The following TSPAN1 variants were observed in gnomAD, a reference collection of about 807,000 sequenced individuals.
TSPAN1 encodes the protein tetraspanin-1.
TSPAN1 carries 23 observed loss-of-function variants against 26.9 expected under a neutral mutation model. The ratio of observed to expected loss-of-function variants is 0.85; its 90% CI spans 0.62 to 1.21. The LOEUF (loss-of-function observed/expected upper bound fraction) is 1.21, where lower values mean the gene tolerates loss of function less well. Ranked by LOEUF, TSPAN1 falls within the 50% of genes most tolerant of loss-of-function variation. TSPAN1 has a pLI of 0.00. For missense variants in TSPAN1, 283 were observed against 298.4 expected, an observed-to-expected ratio of 0.95 and a Z score of 0.38; for synonymous variants, 115 against 114.8, an observed-to-expected ratio of 1.00 and a Z score of -0.01.
At chr1:46,194,409 A>C in the TSPAN1 span, 5 of 1,614,146 alleles carry the variant, frequency 3.1e-6, no homozygotes, top group Non-Finnish European at 4.2e-6. Flanking sequence ...CCTCTGAGGG[A>C]AGGATGCGGT....
the TSPAN1 span, chr1:46,191,704 G>T: frequency 3.0e-6 from 1 of 330,084 alleles, no homozygotes; most frequent in Non-Finnish European, 5.9e-6. Flanking sequence ...GCGTGATCTT[G>T]GCTCACAGCA....
intron 3 of TSPAN1, chr1:46,183,710 C>G: frequency 5.5e-6 from 1 of 181,026 alleles, no homozygotes; most frequent in South Asian, 1.2e-4. Context: ...AACCTCCTCC[C>G]TCTCCAAGGT....
chr1:46,181,104 C>T lies in TSPAN1; in HGVS notation c.-4C>T, dbSNP rs769069655. On this transcript the variant is annotated 5_prime_UTR_variant, in exon 3 of 9. Transcript: ENST00000372003. ...TTGCACATGTCTACCTCCCAGGAGC[C>T]ACCATGCAGTGCTTCAGCTTCATTA... is the stretch of plus-strand genomic sequence containing the variant. 2 of 1,613,850 alleles carry T rather than the reference C, an allele frequency of 1.2e-6. No individual in the cohort carries two copies. The highest frequency in any genetic ancestry group is 1.7e-6 in the Non-Finnish European group (2 of 1,179,864).
rs779263538 is a variant in TSPAN1 at position 46,183,006 on chromosome 1, G to A, written c.58-1185G>A. 7.2e-5 allele frequency among the ~76,000 whole-genome samples: 11 copies of A among 152,098 alleles called. No individual in the cohort carries two copies. In the East Asian group the frequency reaches 7.7e-4, roughly 11 times the overall value. ...TAAAAAAAATTTTTTTTGTAGAGGCGGTCTCACTATATTGCCCAGGCTGGT... is the reference window on the plus strand; with the variant it reads ...TAAAAAAAATTTTTTTTGTAGAGGCAGTCTCACTATATTGCCCAGGCTGGT... On this transcript the variant is annotated intron_variant, in intron 3 of 8. Transcript: ENST00000372003.
Position 46,176,157 on chromosome 1 carries a change from G to C in TSPAN1, c.-142+748G>C, listed in dbSNP as rs980145545. 21 of 1,513,692 alleles carry C rather than the reference G, an allele frequency of 1.4e-5. 1 individual carries two copies. The South Asian group carries it at 2.3e-4, about 17-fold the overall frequency. 93.8% of individuals were successfully genotyped at this position (1,513,692 alleles called of 1,614,324 possible). A position where few individuals can be genotyped will look rare whatever the true frequency, so the allele number is the denominator to read the frequency against. The stretch of plus-strand genomic sequence containing the variant: ...CCCAAAGTGCCGGGATTACAGGCAT[G>C]AGCCACCGCACCCAGCCTAGTGGCT... On this transcript the variant is annotated intron_variant, in intron 1 of 8. Transcript: ENST00000372003.
the TSPAN1 span, chr1:46,193,139 C>G: frequency 1.8e-5 from 29 of 1,613,872 alleles, no homozygotes; most frequent in Middle Eastern, 1.7e-4. Context: ...TGTTTCCCCC[C>G]TCCCAGGCCC....
At chr1:46,188,994 G>T (rs1390431410), downstream of TSPAN1, 1 of 1,602,794 alleles carries the variant, frequency 6.2e-7, no homozygotes, top group Non-Finnish European at 8.5e-7. Context: ...GAAAGTGAGG[G>T]TATTCAAAGG....
At chr1:46,182,989 AT>A (rs952031106) in intron 3 of TSPAN1, among the ~76,000 whole-genome samples, 10 of 151,740 alleles carry the variant, frequency 6.6e-5, no homozygotes, top group Non-Finnish European at 7.4e-5. Context: ...ATTAAAAAAA[AT>A]TTTTTTTGTA....
At chr1:46,182,517 C>G (rs1571637761) in intron 3 of TSPAN1, among the ~76,000 whole-genome samples, 1 of 151,812 alleles carries the variant, frequency 6.6e-6, no homozygotes, top group Non-Finnish European at 1.5e-5. Context: ...CGAGACCAGC[C>G]TGGCCAATAT....
In TSPAN1 at chr1:46,185,795, G is replaced by A; in HGVS notation, c.*262G>A. The A allele has an allele frequency of 1.8e-6, 1 of 569,994 alleles. No individual in the cohort carries two copies. The highest frequency in any genetic ancestry group is 2.0e-5 in the South Asian group (1 of 49,280). The allele number at this position is 569,994 out of a possible 1,614,324, so 35.3% of individuals were successfully genotyped here. A position where few individuals can be genotyped will look rare whatever the true frequency, so the allele number is the denominator to read the frequency against. ...GCCAGTTCTGTTGCCCATTCCCCCAGTCTATTAAACCCTTGATATGCCCCC... is the reference window on the plus strand; with the variant it reads ...GCCAGTTCTGTTGCCCATTCCCCCAATCTATTAAACCCTTGATATGCCCCC... On this transcript the variant is annotated 3_prime_UTR_variant, in exon 9 of 9. Coordinates refer to ENST00000372003, the MANE Select transcript of TSPAN1 (RefSeq NM_005727.4).
In TSPAN1 at chr1:46,180,670, G is replaced by C. The variant is rs1037411626; in HGVS notation, c.-9+12G>C. 1 of 168,468 alleles carries C rather than the reference G, an allele frequency of 5.9e-6. No homozygotes were observed. Among genetic ancestry groups the C allele is most frequent in the African/African-American group, 2.4e-5 (1 of 41,994 alleles). The allele number at this position is 168,468 out of a possible 1,614,324, so 10.4% of individuals were successfully genotyped here. ...AGAGCCCTGAACAGGTAATGGGATA[G>C]GGATACAGATTATCCTGTGAAGTGA... On this transcript the variant is annotated intron_variant, in intron 2 of 8. Transcript: ENST00000372003.
chr1:46,193,713 C>T, the TSPAN1 span: 1 of 1,607,514 alleles, frequency 6.2e-7, no homozygotes, highest in Non-Finnish European at 8.5e-7. Context: ...TACAGCTGGG[C>T]CCAGAGTCCC....
intron 1 of TSPAN1, among the ~76,000 whole-genome samples, chr1:46,177,578 A>G (rs1032767653): frequency 6.6e-6 from 1 of 152,130 alleles, no homozygotes; most frequent in Admixed American, 6.6e-5. Context: ...CCAGCAAAAA[A>G]CACCAAAAAA....
intron 1 of TSPAN1, among the ~76,000 whole-genome samples, chr1:46,180,060 C>A (rs183208085): frequency 3.1e-4 from 47 of 152,116 alleles, no homozygotes; most frequent in Non-Finnish European, 2.9e-4. Flanking sequence ...TTGTTAGTTG[C>A]TGGGAGTCAG....
intron 1 of TSPAN1, among the ~76,000 whole-genome samples, chr1:46,176,039 ATTT>A (rs796881774): frequency 3.3e-5 from 5 of 151,532 alleles, no homozygotes; most frequent in East Asian, 1.9e-4. Context: ...CGCCCGGCTA[ATTT>A]TTTTTTGTAT....
chr1:46,188,417 G>A (rs1488011170), downstream of TSPAN1, among the ~76,000 whole-genome samples: 2 of 152,164 alleles, frequency 1.3e-5, no homozygotes, highest in Admixed American at 6.5e-5. Flanking sequence ...GCAGGAACCC[G>A]GCTGGTGGTT....
At position 46,185,050 on chromosome 1, in the gene TSPAN1, GACA is replaced by G. The variant is rs758013782; in HGVS notation, c.532_534del (p.Asn178del). ...TGCCTTTCCCCCATTCTGTTGCAAT[GACA>G]ACGTCACCAACACAGCCAATGAAAC... On this transcript the variant is annotated inframe_deletion, in exon 7 of 9. Coordinates refer to ENST00000372003, the MANE Select transcript of TSPAN1 (RefSeq NM_005727.4). The G allele has an allele frequency of 6.8e-6, 11 of 1,614,056 alleles. No individual in the cohort carries two copies. The highest frequency in any genetic ancestry group is 3.3e-5 in the South Asian group (3 of 91,080).
downstream of TSPAN1, chr1:46,189,457 C>A (rs386834024): frequency 1.1e-4 from 174 of 1,613,366 alleles, no homozygotes; most frequent in Non-Finnish European, 1.3e-4. Context: ...GGGTCACTCA[C>A]GAGTAGGGGG....
In TSPAN1 at chr1:46,185,133, T is replaced by G; in HGVS notation, c.594+18T>G. The G allele has an allele frequency of 6.2e-7, 1 of 1,613,586 alleles. No homozygotes were observed. The highest frequency in any genetic ancestry group is 8.5e-7 in the Non-Finnish European group (1 of 1,179,898). On this transcript the variant is annotated intron_variant, in intron 7 of 8. Coordinates refer to ENST00000372003, the MANE Select transcript of TSPAN1 (RefSeq NM_005727.4). The stretch of plus-strand genomic sequence containing the variant: ...AAGTAGAGGTGTGGGCTGGCATGAG[T>G]GGGTGGGGACTGTTTTCATGGCCTC...
Sources: gnomAD v4.1 joint callset for allele counts (sites outside exome capture counted in the v4.1 genomes callset) on GRCh38, gnomAD v4.1.1 for gene constraint, MANE v1.5 for transcripts, NCBI Gene and HGNC (gene_info 2026-07-23, HGNC 2026-07-21) for gene names.